Variants in ANO3 observed in about 807,000 individuals in gnomAD.
ANO3 encodes the protein anoctamin 3.
Under a neutral mutation model 144.8 loss-of-function variants are expected in ANO3, and 99 were observed. That is an observed-to-expected ratio of 0.68 (90% CI 0.58 to 0.81). ANO3 has a LOEUF of 0.81. Ranked by LOEUF, ANO3 falls within the 30% of genes least tolerant of loss-of-function variation. ANO3 has a pLI of 0.00. For missense variants in ANO3, 905 were observed against 1,202.2 expected (o/e 0.75, Z 3.66); for synonymous variants, 414 against 392.6 (o/e 1.05, Z -0.64).
At chr11:26,249,624 T>C (rs911119385) in intron 1 of ANO3, among the ~76,000 whole-genome samples, 1 of 152,132 alleles carries the variant, frequency 6.6e-6, no homozygotes, top group African/African-American at 2.4e-5. Context: ...CACTGTTATG[T>C]TGTTAAATAT....
At chr11:26,456,286 C>G (rs1406982817) in intron 3 of ANO3, among the ~76,000 whole-genome samples, 2 of 152,120 alleles carry the variant, frequency 1.3e-5, no homozygotes, top group African/African-American at 2.4e-5. Context: ...AGTGAACAGG[C>G]AACCTACAAA....
intron 4 of ANO3, among the ~76,000 whole-genome samples, chr11:26,474,694 T>C (rs1194680078): frequency 6.6e-6 from 1 of 151,932 alleles, no homozygotes; most frequent in Non-Finnish European, 1.5e-5. Flanking sequence ...AACTTAATTT[T>C]GATTCAGTTC....
At chr11:26,368,945 A>G (rs1856171603) in intron 1 of ANO3, among the ~76,000 whole-genome samples, 1 of 152,142 alleles carries the variant, frequency 6.6e-6, no homozygotes, top group South Asian at 2.1e-4. Context: ...TAAAATTTTT[A>G]TCAACTATTC....
intron 1 of ANO3, 91 bp from the exon 2 acceptor site, chr11:26,441,827 T>C: frequency 4.5e-6 from 4 of 885,788 alleles, no homozygotes; most frequent in Non-Finnish European, 7.0e-6. Context: ...AATAGTTCAT[T>C]CCTGAAACAG....
At chr11:26,483,754 A>G (rs1416311657) in intron 4 of ANO3, among the ~76,000 whole-genome samples, 2 of 152,172 alleles carry the variant, frequency 1.3e-5, no homozygotes, top group African/African-American at 4.8e-5. Context: ...ATATACCTGA[A>G]AATGTAGAAG....
chr11:26,484,323 C>A (rs1590403391), intron 4 of ANO3, among the ~76,000 whole-genome samples: 1 of 152,096 alleles, frequency 6.6e-6, no homozygotes, highest in African/African-American at 2.4e-5. Context: ...AATGCCTATA[C>A]AACCTGAAGA....
intron 1 of ANO3, among the ~76,000 whole-genome samples, chr11:26,355,377 C>T (rs956549908): frequency 2.6e-5 from 4 of 152,016 alleles, no homozygotes; most frequent in Non-Finnish European, 5.9e-5. Context: ...CTGCTGCTGA[C>T]TTCCAGCAGA....
At chr11:26,296,437 C>G (rs776759382) in intron 1 of ANO3, among the ~76,000 whole-genome samples, 1 of 152,178 alleles carries the variant, frequency 6.6e-6, no homozygotes. Flanking sequence ...ACACTCAGAT[C>G]ATGTCTCTCT....
intron 1 of ANO3, among the ~76,000 whole-genome samples, chr11:26,378,127 A>G (rs1856465182): frequency 6.6e-6 from 1 of 151,974 alleles, no homozygotes; most frequent in African/African-American, 2.4e-5. Flanking sequence ...AATGCAGAAT[A>G]AGGAAATGAA....
chr11:26,322,337 G>A (rs1263590405), intron 1 of ANO3, among the ~76,000 whole-genome samples: 4 of 151,978 alleles, frequency 2.6e-5, no homozygotes, highest in Admixed American at 2.0e-4. Context: ...ATATTTGTAT[G>A]TTTGTTACAG....
At chr11:26,377,160 TAATAA>T (rs1856436252) in intron 1 of ANO3, among the ~76,000 whole-genome samples, 1 of 152,140 alleles carries the variant, frequency 6.6e-6, no homozygotes, top group Non-Finnish European at 1.5e-5. Flanking sequence ...GAATTTCCAT[TAATAA>T]AATAACTTGA....
At chr11:26,479,869 ACTTTCT>A (rs1448331167) in intron 4 of ANO3, among the ~76,000 whole-genome samples, 1 of 152,196 alleles carries the variant, frequency 6.6e-6, no homozygotes, top group Non-Finnish European at 1.5e-5. Context: ...CAGTGCTTCC[ACTTTCT>A]CTTTATTTTG....
intron 1 of ANO3, among the ~76,000 whole-genome samples, chr11:26,202,211 A>G (rs1851707675): frequency 6.8e-6 from 1 of 146,612 alleles, no homozygotes; most frequent in South Asian, 2.1e-4. Flanking sequence ...TATTTCCAAA[A>G]TGTCATTCCT....
intron 1 of ANO3, among the ~76,000 whole-genome samples, chr11:26,286,444 T>G (rs1158373853): frequency 6.6e-6 from 1 of 152,248 alleles, no homozygotes; most frequent in Non-Finnish European, 1.5e-5. Context: ...TTATTTTAGT[T>G]GAAACCCAGG....
intron 1 of ANO3, among the ~76,000 whole-genome samples, chr11:26,270,464 G>C (rs142478096): frequency 6.6e-6 from 1 of 152,116 alleles, no homozygotes; most frequent in Non-Finnish European, 1.5e-5. Context: ...CATTTTGCTT[G>C]TGTACATACT....
At chr11:26,374,022 C>T (rs1856335314) in intron 1 of ANO3, among the ~76,000 whole-genome samples, 1 of 152,060 alleles carries the variant, frequency 6.6e-6, no homozygotes, top group Admixed American at 6.6e-5. Flanking sequence ...CATGCCCACC[C>T]CAGCAAAGTA....
chr11:26,585,629 T>G (rs1220197591), intron 14 of ANO3, among the ~76,000 whole-genome samples: 2 of 152,122 alleles, frequency 1.3e-5, no homozygotes, highest in Non-Finnish European at 2.9e-5. Flanking sequence ...TTGATGACAC[T>G]CAAAGCGTGT....
chr11:26,446,391 A>G (rs1858703341), intron 3 of ANO3, among the ~76,000 whole-genome samples: 1 of 152,130 alleles, frequency 6.6e-6, no homozygotes, highest in Non-Finnish European at 1.5e-5. Context: ...CATCTTATTA[A>G]TGGCTTTTTT....
chr11:26,230,717 A>G (rs1396398059), intron 1 of ANO3, among the ~76,000 whole-genome samples: 1 of 141,810 alleles, frequency 7.1e-6, no homozygotes, highest in African/African-American at 2.6e-5. Context: ...AAACTGCTTG[A>G]ACTCAGAAGA....
Sources: gnomAD v4.1 joint callset for allele counts (sites outside exome capture counted in the v4.1 genomes callset) on GRCh38, gnomAD v4.1.1 for gene constraint, MANE v1.5 for transcripts, NCBI Gene and HGNC (gene_info 2026-07-23, HGNC 2026-07-21) for gene names.